Variants in KTN1 observed in about 807,000 individuals in gnomAD.
The protein encoded by KTN1 is kinectin 1.
A neutral mutation model predicts 222.5 loss-of-function variants in KTN1; 130 were observed. The ratio of observed to expected loss-of-function variants is 0.58; its 90% confidence interval spans 0.51 to 0.68. The LOEUF is 0.68. KTN1 is among the 30% of genes least tolerant of loss of function. The pLI is 0.00. For synonymous variants in KTN1, 512 were observed against 496.3 expected (o/e 1.03, Z -0.42); for missense variants, 1,508 against 1,500.4 (o/e 1.01, Z -0.08).
At chr14:55,655,363 T>C (rs2043361499) in intron 28 of KTN1, among the ~76,000 whole-genome samples, 1 of 152,236 alleles carries the variant, frequency 6.6e-6, no homozygotes, top group Non-Finnish European at 1.5e-5. Flanking sequence ...TATGCTGTTT[T>C]GTCATTTTTT....
chr14:55,652,648 CT>C (rs1160660656), intron 25 of KTN1, among the ~76,000 whole-genome samples: 4 of 152,220 alleles, frequency 2.6e-5, no homozygotes, highest in Non-Finnish European at 4.4e-5. Context: ...ATCCGCCCGC[CT>C]TGGCCTCCCA....
intron 1 of KTN1, among the ~76,000 whole-genome samples, chr14:55,608,566 G>C (rs1374870073): frequency 6.6e-6 from 1 of 151,550 alleles, no homozygotes; most frequent in African/African-American, 2.4e-5. Context: ...TTTGCTGATT[G>C]AAATCATTCT....
chr14:55,657,902 A>G (rs1033982562), intron 29 of KTN1, among the ~76,000 whole-genome samples: 2 of 152,078 alleles, frequency 1.3e-5, no homozygotes, highest in African/African-American at 4.8e-5. Context: ...TAACACAGCA[A>G]GACTGCCATC....
intron 40 of KTN1, chr14:55,675,415 A>G (rs74053661): frequency 0.023 from 3,637 of 159,502 alleles, 129 homozygotes; most frequent in African/African-American, 0.078. Context: ...GTAGTCTTCT[A>G]TTCAGTGTTT....
At chr14:55,673,916 A>C (rs1382095028) in intron 40 of KTN1, 2 of 152,118 alleles carry the variant, frequency 1.3e-5, no homozygotes, top group African/African-American at 4.8e-5. Context: ...CTATTAGACA[A>C]ATATGGCTGT....
chr14:55,636,416 T>C, intron 9 of KTN1, 33 bp from the exon 10 acceptor site: 2 of 1,500,918 alleles, frequency 1.3e-6, no homozygotes, highest in Non-Finnish European at 9.2e-7. Flanking sequence ...GTGTTTGTGC[T>C]AATTTATCCT....
chr14:55,621,462 A>G (rs966276111), intron 5 of KTN1, among the ~76,000 whole-genome samples: 9 of 152,208 alleles, frequency 5.9e-5, no homozygotes, highest in Admixed American at 2.0e-4. Context: ...AAGGGGTTTA[A>G]TGGACTCACA....
chr14:55,673,018 TACAAC>T lies in KTN1; in HGVS notation c.3687+8_3687+12del. On this transcript the variant is annotated splice_region_variant and intron_variant, in intron 39 of 43. Coordinates refer to ENST00000395314, the MANE Select transcript of KTN1 (RefSeq NM_001079521.2). ...ATGTTACAGAAGTCAGAGAGGTACT[TACAAC>T]AGAATCTTTTCAAACTTGCTTCTCA... 6.3e-7 allele frequency: 1 copy of T among 1,599,818 alleles called. No individual in the cohort carries two copies. Among genetic ancestry groups the T allele is most frequent in the Non-Finnish European group, 8.6e-7 (1 of 1,167,308 alleles).
At chr14:55,649,464 A>G (rs2042721908) in intron 21 of KTN1, among the ~76,000 whole-genome samples, 1 of 152,216 alleles carries the variant, frequency 6.6e-6, no homozygotes, top group Non-Finnish European at 1.5e-5. Flanking sequence ...GACTCTAGTA[A>G]AAGAGGCCGC....
intron 1 of KTN1, among the ~76,000 whole-genome samples, chr14:55,585,171 C>T (rs1376749863): frequency 1.3e-5 from 2 of 150,506 alleles, no homozygotes; most frequent in African/African-American, 4.9e-5. Flanking sequence ...ACATTCCTTC[C>T]TTTGATGGAT....
At chr14:55,639,125 T>G in intron 12 of KTN1, 60 bp from the exon 13 acceptor site, 1 of 1,084,996 alleles carries the variant, frequency 9.2e-7, no homozygotes, top group Non-Finnish European at 1.4e-6. Context: ...TTATGATTAT[T>G]GTATAGCTAT....
At chr14:55,625,849 C>A (rs1482301281) in intron 5 of KTN1, among the ~76,000 whole-genome samples, 1 of 152,108 alleles carries the variant, frequency 6.6e-6, no homozygotes, top group African/African-American at 2.4e-5. Context: ...CGCCAGCCTG[C>A]ATTTTGCACC....
chr14:55,587,331 A>G (rs1302013525), intron 1 of KTN1, among the ~76,000 whole-genome samples: 1 of 152,212 alleles, frequency 6.6e-6, no homozygotes, highest in Non-Finnish European at 1.5e-5. Flanking sequence ...ATGGAAAACA[A>G]TTTGAAACAT....
intron 7 of KTN1, 107 bp downstream of exon 7, chr14:55,630,204 C>T (rs1280782458): frequency 2.0e-6 from 2 of 988,798 alleles, no homozygotes; most frequent in African/African-American, 3.3e-5. Context: ...CATCAACATA[C>T]AGTGGCTAGT....
intron 1 of KTN1, among the ~76,000 whole-genome samples, chr14:55,605,011 T>TAGAACTCCC (rs1400568187): frequency 1.3e-5 from 2 of 152,216 alleles, no homozygotes; most frequent in African/African-American, 4.8e-5. Flanking sequence ...AAATCTGATC[T>TAGAACTCCC]AGAACTCCCA....
At chr14:55,651,841 GTTAAA>G (rs1334550638) in intron 24 of KTN1, 44 bp from the exon 25 acceptor site, 7 of 1,216,320 alleles carry the variant, frequency 5.8e-6, no homozygotes, top group Non-Finnish European at 8.4e-6. Flanking sequence ...AGCTTAATAA[GTTAAA>G]TTGAAAGGAT....
In KTN1 at chr14:55,643,683, A is replaced by G. The variant is rs540492731; in HGVS notation, c.2172+1923A>G. Among the ~76,000 whole-genome samples, 3 of 152,208 alleles carry G rather than the reference A, an allele frequency of 2.0e-5. No homozygotes were observed. The South Asian group carries it at 6.2e-4, about 32-fold the overall frequency. On this transcript the variant is annotated intron_variant, in intron 18 of 43. Coordinates refer to ENST00000395314, the MANE Select transcript of KTN1 (RefSeq NM_001079521.2). Reference sequence around the variant, plus strand: ...ACTTCTGTTCTTTGCTAAAAATGGTATTTTCCATCATTAGATAAAAGTAAA... The same window carrying G: ...ACTTCTGTTCTTTGCTAAAAATGGTGTTTTCCATCATTAGATAAAAGTAAA...
intron 1 of KTN1, chr14:55,601,795 G>A (rs192533222): frequency 9.9e-5 from 15 of 152,212 alleles, no homozygotes; most frequent in Admixed American, 6.5e-4. Context: ...GAGTGCAGTG[G>A]TGTGACCTTG....
intron 18 of KTN1, among the ~76,000 whole-genome samples, chr14:55,644,986 G>C (rs1352791168): frequency 6.6e-6 from 1 of 152,082 alleles, no homozygotes; most frequent in Non-Finnish European, 1.5e-5. Context: ...ACATGCTGAG[G>C]TTGCAGAGAT....
Sources: gnomAD v4.1 joint callset for allele counts (sites outside exome capture counted in the v4.1 genomes callset) on GRCh38, gnomAD v4.1.1 for gene constraint, MANE v1.5 for transcripts, NCBI Gene and HGNC (gene_info 2026-07-23, HGNC 2026-07-21) for gene names.